CHN2: variants seen among roughly 807,000 people sequenced by gnomAD.
The protein encoded by CHN2 is beta-chimaerin.
A neutral mutation model predicts 56.3 loss-of-function variants in CHN2; 35 were observed. The observed-to-expected ratio is 0.62, with a 90% CI of 0.47 to 0.82. The LOEUF is 0.82. Ranked by LOEUF, CHN2 falls within the 40% of genes least tolerant of loss-of-function variation. The pLI is 0.00. For missense variants in CHN2, 491 were observed against 580.5 expected (o/e 0.85, Z 1.58); for synonymous variants, 210 against 212.8 (o/e 0.99, Z 0.12).
At chr7:29,304,843 T>C (rs182206608) in intron 1 of CHN2, among the ~76,000 whole-genome samples, 18 of 152,352 alleles carry the variant, frequency 1.2e-4, no homozygotes, top group Admixed American at 8.5e-4. Context: ...AAGTGTCGTC[T>C]GCATTTTGAA....
chr7:29,436,663 C>A (rs909383828), intron 6 of CHN2, among the ~76,000 whole-genome samples: 1 of 152,128 alleles, frequency 6.6e-6, no homozygotes, highest in African/African-American at 2.4e-5. Context: ...TATTTGAATT[C>A]TCCAAAGACA....
chr7:29,202,889 G>C (rs2128770232), intron 1 of CHN2, among the ~76,000 whole-genome samples: 1 of 152,290 alleles, frequency 6.6e-6, no homozygotes, highest in East Asian at 1.9e-4. Flanking sequence ...CAAAGAAATG[G>C]GAAGCAGGGA....
At position 29,204,067 on chromosome 7, in the gene CHN2, C is replaced by CTGTGTGTG. The variant is rs55930139; in HGVS notation, c.49+9119_49+9126dup. Reference sequence around the variant, plus strand: ...ACAAAGCACACGTTTTTCTCTCTCTCTGTGTGTGTGTGTGTGTGTGTGTGT... The same window carrying CTGTGTGTG: ...ACAAAGCACACGTTTTTCTCTCTCTCTGTGTGTGTGTGTGTGTGTGTGTGTGTGTGTGT... On this transcript the variant is annotated intron_variant, in intron 1 of 12. Transcript: ENST00000222792. Among the ~76,000 whole-genome samples the CTGTGTGTG allele has an allele frequency of 2.0e-4, 26 of 128,852 alleles. No homozygotes were observed. In the South Asian group the frequency reaches 2.4e-3, roughly 12 times the overall value. The allele number at this position is 128,852 out of a possible 152,430, so 84.5% of individuals were successfully genotyped here.
intron 1 of CHN2, among the ~76,000 whole-genome samples, chr7:29,301,917 A>G (rs1793704161): frequency 1.3e-5 from 2 of 152,200 alleles, no homozygotes; most frequent in Admixed American, 1.3e-4. Context: ...CTGCAGCCCT[A>G]GCTAGACTGA....
chr7:29,432,840 T>C (rs1013279250), intron 6 of CHN2, among the ~76,000 whole-genome samples: 1 of 152,176 alleles, frequency 6.6e-6, no homozygotes, highest in African/African-American at 2.4e-5. Context: ...TGGAATATAA[T>C]TATGTTTTTC....
chr7:29,291,312 C>G (rs1289015874), intron 1 of CHN2, among the ~76,000 whole-genome samples: 2 of 152,064 alleles, frequency 1.3e-5, no homozygotes, highest in African/African-American at 4.8e-5. Flanking sequence ...CAGCTGCAAC[C>G]AATTATTATT....
At chr7:29,483,871 C>A (rs1022700339) in intron 7 of CHN2, 8 of 1,301,514 alleles carry the variant, frequency 6.1e-6, no homozygotes, top group African/African-American at 1.5e-5. Flanking sequence ...CATGTTCTTC[C>A]AAAGAGCTCA....
intron 6 of CHN2, among the ~76,000 whole-genome samples, chr7:29,427,689 A>C (rs1805015397): frequency 7.8e-6 from 1 of 127,558 alleles, no homozygotes; most frequent in Non-Finnish European, 1.6e-5. Flanking sequence ...ATAGAGTCTC[A>C]CTCTGTTGCC....
chr7:29,326,114 G>A (rs548468439), intron 1 of CHN2, among the ~76,000 whole-genome samples: 1 of 148,676 alleles, frequency 6.7e-6, no homozygotes, highest in South Asian at 2.2e-4. Context: ...GGTCTTCGTC[G>A]ATTTTAGAGA....
intron 1 of CHN2, among the ~76,000 whole-genome samples, chr7:29,311,102 A>G (rs932808310): frequency 3.9e-5 from 6 of 152,294 alleles, no homozygotes; most frequent in Middle Eastern, 3.4e-3. Context: ...TAAGTCTCCG[A>G]GCCTTGTAGA....
At chr7:29,163,174 A>G (rs1402403203) in intron 2 of CHN2, among the ~76,000 whole-genome samples, 4 of 152,264 alleles carry the variant, frequency 2.6e-5, no homozygotes, top group South Asian at 4.1e-4. Context: ...TTATGGGAAA[A>G]TTTTTAAGCA....
chr7:29,229,236 CAT>C lies in CHN2; in HGVS notation c.49+34247_49+34248del, dbSNP rs1025656365. Among the ~76,000 whole-genome samples, 6 of 152,196 alleles carry C rather than the reference CAT, an allele frequency of 3.9e-5. 1 individual carries two copies. The highest frequency in any genetic ancestry group is 4.1e-4 in the South Asian group (2 of 4,832). On this transcript the variant is annotated intron_variant, in intron 1 of 12. Coordinates refer to ENST00000222792, the MANE Select transcript of CHN2 (RefSeq NM_004067.4). ...AGGACAAAGGTAGTGTCTACCCACA[CAT>C]GTCTTTACCTTATCTAAAAATACTT...
chr7:29,380,302 A>G lies in CHN2; in HGVS notation c.144+12315A>G, dbSNP rs191247618. 7.9e-5 allele frequency among the ~76,000 whole-genome samples: 12 copies of G among 152,096 alleles called. No individual in the cohort carries two copies. In the East Asian group the frequency reaches 1.7e-3, roughly 22 times the overall value. On this transcript the variant is annotated intron_variant, in intron 3 of 12. Transcript: ENST00000222792. ...GGTTCTTACCAAAAAAAAAACCCTT[A>G]CTATTTATATGTATAAAGCACAAAT...
intron 1 of CHN2, among the ~76,000 whole-genome samples, chr7:29,271,921 G>A (rs1790677178): frequency 6.6e-6 from 1 of 152,006 alleles, no homozygotes; most frequent in Non-Finnish European, 1.5e-5. Context: ...ATGTAGCTGG[G>A]GCTCACTGGT....
intron 2 of CHN2, among the ~76,000 whole-genome samples, chr7:29,181,861 G>A (rs932656888): frequency 2.0e-5 from 3 of 151,200 alleles, no homozygotes; most frequent in African/African-American, 4.8e-5. Context: ...TAATTCCTAA[G>A]GGGGGGAAAA....
intron 1 of CHN2, chr7:29,212,624 G>A (rs1292196858): frequency 2.1e-6 from 3 of 1,403,910 alleles, no homozygotes; most frequent in African/African-American, 2.8e-5. Context: ...CCAGCTGTGT[G>A]TACTCAATGA....
intron 1 of CHN2, among the ~76,000 whole-genome samples, chr7:29,281,597 G>A (rs765368708): frequency 9.9e-5 from 15 of 152,190 alleles, no homozygotes; most frequent in Non-Finnish European, 1.8e-4. Context: ...GTCTCCCGTG[G>A]CTATGAGGAT....
intron 6 of CHN2, chr7:29,479,938 C>G: frequency 6.9e-7 from 1 of 1,441,658 alleles, no homozygotes; most frequent in Non-Finnish European, 9.1e-7. Flanking sequence ...AGAAGCCGGG[C>G]CCCCTCCATC....
chr7:29,506,451 A>C (rs576897723), intron 10 of CHN2, among the ~76,000 whole-genome samples: 2 of 152,148 alleles, frequency 1.3e-5, no homozygotes, highest in African/African-American at 4.8e-5. Context: ...AGCCTGGCCA[A>C]CATAGTGAAA....
Sources: allele counts gnomAD v4.1 joint callset (sites outside exome capture counted in the v4.1 genomes callset), GRCh38; gene constraint gnomAD v4.1.1; transcripts MANE v1.5; gene names NCBI Gene and HGNC (gene_info 2026-07-23, HGNC 2026-07-21).